ESR2: variants seen among roughly 807,000 people sequenced by gnomAD.
ESR2 encodes estrogen receptor beta.
A neutral mutation model predicts 49.6 loss-of-function variants in ESR2; 36 were observed. That is an observed-to-expected ratio of 0.73 (90% confidence interval 0.56 to 0.96). The LOEUF is 0.96. Ranked by LOEUF, ESR2 falls within the 40% of genes least tolerant of loss-of-function variation. The pLI is 0.00. For synonymous variants in ESR2, 320 were observed against 266.1 expected (o/e 1.20, Z -1.97); for missense variants, 714 against 693.0 (o/e 1.03, Z -0.34).
At chr14:64,262,127 T>A (rs1393360902) in intron 4 of ESR2, among the ~76,000 whole-genome samples, 2 of 150,586 alleles carry the variant, frequency 1.3e-5, no homozygotes, top group East Asian at 3.9e-4. Context: ...TTTTTTTTTT[T>A]TAAGAGACAA....
chr14:64,251,317 A>C (rs537801092), intron 6 of ESR2, among the ~76,000 whole-genome samples: 168 of 151,930 alleles, frequency 1.1e-3, no homozygotes, highest in Admixed American at 2.7e-3. Flanking sequence ...CAAAAAAAAA[A>C]AAAAACAAAA....
intron 7 of ESR2, among the ~76,000 whole-genome samples, chr14:64,241,168 AAAG>A (rs1316290061): frequency 9.8e-5 from 14 of 142,660 alleles, no homozygotes; most frequent in African/African-American, 3.3e-4. Flanking sequence ...AAAAAAAAAA[AAAG>A]ATAGGCTAGG....
At position 64,305,017 on chromosome 14, in the gene ESR2, G is replaced by A. The variant is rs376045424; in HGVS notation, c.-90-21942C>T. 1.4e-4 allele frequency among the ~76,000 whole-genome samples: 21 copies of A among 152,270 alleles called. No homozygotes were observed. In the East Asian group the frequency reaches 2.7e-3, roughly 20 times the overall value. ...TATAAAAATTAATAGGCGGCCAGGC[G>A]TGGTGGCTCACGCCTGTAATCCCAG... On this transcript the variant is annotated intron_variant, in intron 1 of 8. Coordinates refer to the ESR2 transcript ENST00000358599.
At chr14:64,254,826 C>A (rs1333824773) in intron 6 of ESR2, among the ~76,000 whole-genome samples, 42 of 133,762 alleles carry the variant, frequency 3.1e-4, no homozygotes, top group South Asian at 4.9e-4. Flanking sequence ...GTAGTCATTC[C>A]AAAAAAAAAA....
intron 3 of ESR2, among the ~76,000 whole-genome samples, chr14:64,271,505 T>C (rs1265736135): frequency 6.6e-6 from 1 of 152,178 alleles, no homozygotes; most frequent in African/African-American, 2.4e-5. Flanking sequence ...TTTTGTATTT[T>C]AGTAGAGACA....
In ESR2 at chr14:64,235,070, C is replaced by T. The variant is rs779536246; in HGVS notation, c.1306G>A (p.Ala436Thr). The part of the protein sequence containing the change: ...LAHLLNAVTD[A>T]LVWVIAKSGI... ...CTCTTGGCAATCACCCAAACCAAAG[C>T]ATCGGTCACGGCGTTCAGCAAGTGA... The change falls in exon 8 of 9, where the codon GCT (alanine) becomes ACT (threonine). Residue 436 changes from alanine to threonine, a missense_variant. Coordinates refer to ENST00000341099, the MANE Select transcript of ESR2 (RefSeq NM_001437.3). 5 of 1,614,106 alleles carry T rather than the reference C, an allele frequency of 3.1e-6. No individual in the cohort carries two copies. The East Asian group carries it at 8.9e-5, about 29-fold the overall frequency.
In ESR2 at chr14:64,233,506, G is replaced by A. The variant is rs116919186; in HGVS notation, c.1407-183C>T. The stretch of plus-strand genomic sequence containing the variant: ...CTGATAATTTAGGCTCAAGGGCAAG[G>A]ACGATGTCTTGTCAGCCTCTGTGTC... On this transcript the variant is annotated intron_variant, in intron 8 of 8. Transcript: ENST00000341099. 8.0e-3 allele frequency: 4,690 copies of A among 589,648 alleles called. 162 individuals carry two copies. Among genetic ancestry groups the A allele is most frequent in the Admixed American group, 0.077 (2,591 of 33,814 alleles). The allele number at this position is 589,648 out of a possible 1,614,324, so 36.5% of individuals were successfully genotyped here. A position where few individuals can be genotyped will look rare whatever the true frequency, so the allele number is the denominator to read the frequency against.
At chr14:64,260,826 T>C in intron 4 of ESR2, 78 bp from the exon 5 acceptor site, 2 of 1,313,252 alleles carry the variant, frequency 1.5e-6, no homozygotes, top group Non-Finnish European at 2.0e-6. Flanking sequence ...TTTTATTTTC[T>C]GGAGCCTGTG....
At chr14:64,332,562 A>G (rs141381241) in intron 1 of ESR2, among the ~76,000 whole-genome samples, 5,140 of 152,156 alleles carry the variant, frequency 0.034, 120 homozygotes, top group Middle Eastern at 0.071. Context: ...GCACTTTGGG[A>G]GGCCGAGGTG....
chr14:64,322,194 G>C (rs147167863), intron 1 of ESR2, among the ~76,000 whole-genome samples: 2 of 152,056 alleles, frequency 1.3e-5, no homozygotes, highest in African/African-American at 4.8e-5. Context: ...GAGTAGCTGG[G>C]ATTACAGGTA....
At chr14:64,310,783 G>T (rs2077179791) in intron 1 of ESR2, among the ~76,000 whole-genome samples, 1 of 152,044 alleles carries the variant, frequency 6.6e-6, no homozygotes. Context: ...TTTACGTACA[G>T]TACTTTCCTT....
chr14:64,320,605 GTA>G (rs1337035404), intron 1 of ESR2, among the ~76,000 whole-genome samples: 1 of 152,024 alleles, frequency 6.6e-6, no homozygotes, highest in Admixed American at 6.6e-5. Flanking sequence ...TAATAATAAT[GTA>G]TCAGGCTGGG....
At chr14:64,306,556 T>C (rs984349240) in intron 1 of ESR2, among the ~76,000 whole-genome samples, 5 of 152,206 alleles carry the variant, frequency 3.3e-5, no homozygotes, top group African/African-American at 9.7e-5. Flanking sequence ...AATCATATGG[T>C]TTAATTTTAT....
intron 8 of ESR2, 57 bp from the exon 9 acceptor site, chr14:64,233,380 G>A (rs770773574): frequency 1.4e-5 from 22 of 1,546,820 alleles, no homozygotes; most frequent in African/African-American, 4.1e-5. Context: ...CAGGAACCCC[G>A]AAGCCTTCCC....
At chr14:64,227,472 G>A, downstream of ESR2, 5 of 1,553,530 alleles carry the variant, frequency 3.2e-6, 2 homozygotes, top group Admixed American at 8.6e-5. Context: ...GATCCCAGAG[G>A]GAAACTGAAG....
At chr14:64,285,849 GA>G (rs888664426) in intron 1 of ESR2, among the ~76,000 whole-genome samples, 10 of 143,952 alleles carry the variant, frequency 6.9e-5, no homozygotes, top group African/African-American at 2.6e-4. Flanking sequence ...AAAAGAAAAA[GA>G]AAAAGAAAAA....
At chr14:64,258,615 G>A (rs1318475281) in intron 5 of ESR2, among the ~76,000 whole-genome samples, 2 of 152,188 alleles carry the variant, frequency 1.3e-5, no homozygotes, top group Non-Finnish European at 2.9e-5. Flanking sequence ...ACAGCAGAGA[G>A]AACACACATG....
At chr14:64,260,850 A>C (rs2076206415) in intron 4 of ESR2, 102 bp from the exon 5 acceptor site, 1 of 1,121,838 alleles carries the variant, frequency 8.9e-7, no homozygotes, top group South Asian at 2.0e-5. Flanking sequence ...CACGTACCAA[A>C]GATTACTATG....
chr14:64,235,706 G>A (rs559365587), intron 7 of ESR2, among the ~76,000 whole-genome samples: 6 of 152,274 alleles, frequency 3.9e-5, no homozygotes, highest in Admixed American at 3.3e-4. Flanking sequence ...CACTGATTTG[G>A]AGTCAGACAG....
Sources: gnomAD v4.1 joint callset for allele counts (sites outside exome capture counted in the v4.1 genomes callset) on GRCh38, gnomAD v4.1.1 for gene constraint, MANE v1.5 for transcripts, NCBI Gene and HGNC (gene_info 2026-07-23, HGNC 2026-07-21) for gene names.